CTNND1: variants seen among roughly 807,000 people sequenced by gnomAD.
CTNND1 encodes catenin delta 1.
Under a neutral mutation model 112.1 loss-of-function variants are expected in CTNND1, and 16 were observed. The ratio of observed to expected loss-of-function variants is 0.14; its 90% CI spans 0.10 to 0.22. The LOEUF is 0.22. CTNND1 is among the 10% of genes least tolerant of loss of function. The probability of loss-of-function intolerance (pLI) is 1.00; values close to 1 mark genes in which losing one functional copy is unlikely to be tolerated. For synonymous variants in CTNND1, 420 were observed against 446.5 expected (o/e 0.94, Z 0.75); for missense variants, 1,008 against 1,257.0 (o/e 0.80, Z 3.00).
chr11:57,802,703 T>TA (rs2062136132), intron 7 of CTNND1, among the ~76,000 whole-genome samples: 1 of 152,254 alleles, frequency 6.6e-6, no homozygotes, highest in South Asian at 2.1e-4. Flanking sequence ...GTTCTTGCTT[T>TA]ATTTAGAGCA....
chr11:57,784,473 T>C (rs1384996138), intron 1 of CTNND1, among the ~76,000 whole-genome samples: 1 of 151,890 alleles, frequency 6.6e-6, no homozygotes, highest in East Asian at 1.9e-4. Context: ...TCATTGTTTT[T>C]AGATGGAGAG....
In CTNND1 at chr11:57,811,381, A is replaced by ATTTG. The variant is rs747213601; in HGVS notation, c.2551-16_2551-13dup. 2 of 1,597,508 alleles carry ATTTG rather than the reference A, an allele frequency of 1.3e-6. No individual in the cohort carries two copies. The highest frequency in any genetic ancestry group is 1.7e-6 in the Non-Finnish European group (2 of 1,166,082). ...ATTCAGTATTCTGTCACATTGTCGCATTTGTGTTTGCCTCTAGGTGAATCT... is the reference window on the plus strand; with the variant it reads ...ATTCAGTATTCTGTCACATTGTCGCATTTGTTTGTGTTTGCCTCTAGGTGAATCT... On this transcript the variant is annotated splice_polypyrimidine_tract_variant and intron_variant, in intron 16 of 20. Transcript: ENST00000399050.
chr11:57,812,988 G>GA (rs1555068160), intron 17 of CTNND1, among the ~76,000 whole-genome samples: 1 of 152,156 alleles, frequency 6.6e-6, no homozygotes, highest in Non-Finnish European at 1.5e-5. Context: ...TTGTAGTTTT[G>GA]AAAAACTTTT....
intron 1 of CTNND1, among the ~76,000 whole-genome samples, chr11:57,782,237 T>C (rs1337019485): frequency 6.6e-6 from 1 of 152,202 alleles, no homozygotes; most frequent in Non-Finnish European, 1.5e-5. Context: ...TCAGAGAGAA[T>C]GTATCACTCT....
At chr11:57,782,905 G>A (rs1565303333) in intron 1 of CTNND1, among the ~76,000 whole-genome samples, 2 of 152,178 alleles carry the variant, frequency 1.3e-5, no homozygotes, top group Non-Finnish European at 2.9e-5. Context: ...TAATCTTAAC[G>A]CAAATCAGCT....
intron 17 of CTNND1, 146 bp from the exon 18 acceptor site, chr11:57,814,165 A>G: frequency 3.2e-6 from 2 of 632,518 alleles, no homozygotes; most frequent in Non-Finnish European, 5.7e-6. Flanking sequence ...AAGCTTAAAA[A>G]TTATCCAGGC....
chr11:57,797,632 C>T (rs1407670518), intron 6 of CTNND1, among the ~76,000 whole-genome samples: 1 of 147,728 alleles, frequency 6.8e-6, no homozygotes, highest in African/African-American at 2.5e-5. Flanking sequence ...CACCTGAGGT[C>T]CGGAGTTCAA....
rs2060433056 is a variant in CTNND1, at chr11:57,789,181, GA to G, written c.-95+28del. 2.2e-6 allele frequency: 3 copies of G among 1,364,286 alleles called. No homozygotes were observed. In the East Asian group the frequency reaches 7.9e-5, roughly 36 times the overall value. 84.5% of individuals were successfully genotyped at this position (1,364,286 alleles called of 1,614,324 possible). A position where few individuals can be genotyped will look rare whatever the true frequency, so the allele number is the denominator to read the frequency against. On this transcript the variant is annotated intron_variant, in intron 2 of 20. Transcript: ENST00000399050. ...GTGTGTATGGAAATATGTTTATTAA[GA>G]AGGAAAAATCTTACTTTTTAAGAAA...
At chr11:57,796,168 C>T (rs747863996) in intron 5 of CTNND1, among the ~76,000 whole-genome samples, 6 of 152,054 alleles carry the variant, frequency 3.9e-5, no homozygotes, top group South Asian at 2.1e-4. Context: ...GGGCGGATCA[C>T]GAGGTCAGGA....
In CTNND1 at chr11:57,788,901, A is replaced by C; in HGVS notation, c.-213-136A>C. On this transcript the variant is annotated intron_variant, in intron 1 of 20. Coordinates refer to ENST00000399050, the MANE Select transcript of CTNND1 (RefSeq NM_001085458.2). The surrounding 1 kb of genome is among the most constrained non-coding windows in gnomAD (Gnocchi z 4.1). ...CAACAAGGTCTAAAGGGCACTTGTC[A>C]CATTAAGCAATTCCAAGTCATATTT... The C allele has an allele frequency of 4.3e-6, 3 of 700,162 alleles. No individual in the cohort carries two copies. The highest frequency in any genetic ancestry group is 7.4e-6 in the Non-Finnish European group (3 of 403,778). The allele number at this position is 700,162 out of a possible 1,614,324, so 43.4% of individuals were successfully genotyped here.
intron 1 of CTNND1, among the ~76,000 whole-genome samples, chr11:57,765,460 A>ATTTTTT (rs5792061): frequency 1.9e-5 from 2 of 105,598 alleles, no homozygotes; most frequent in African/African-American, 7.0e-5. Context: ...TCCTCCCTTA[A>ATTTTTT]TTTTTTTTTT....
At chr11:57,797,632 CCG>C (rs2061495458) in intron 6 of CTNND1, among the ~76,000 whole-genome samples, 1 of 147,728 alleles carries the variant, frequency 6.8e-6, no homozygotes, top group Non-Finnish European at 1.5e-5. Flanking sequence ...CACCTGAGGT[CCG>C]GAGTTCAAGA....
chr11:57,796,437 T>C lies in CTNND1; in HGVS notation c.421-20T>C, dbSNP rs1417100310. 20 of 1,553,374 alleles carry C rather than the reference T, an allele frequency of 1.3e-5. No individual in the cohort carries two copies. The highest frequency in any genetic ancestry group is 1.7e-5 in the Non-Finnish European group (20 of 1,153,972). On this transcript the variant is annotated intron_variant, in intron 5 of 20. Coordinates refer to ENST00000399050, the MANE Select transcript of CTNND1 (RefSeq NM_001085458.2). ...TCACTTCCTTAATTAGTTTTTCTTT[T>C]TCTTGTTTCCTACTTGCAGGTCAAG... is the stretch of plus-strand genomic sequence containing the variant.
rs117799395 is a variant in CTNND1, at chr11:57,771,405, G to A, written c.-214+9286G>A. 6.8e-3 allele frequency among the ~76,000 whole-genome samples: 1,015 copies of A among 148,202 alleles called. 20 individuals carry two copies. Among genetic ancestry groups the A allele is most frequent in the Admixed American group, 0.056 (810 of 14,414 alleles). On this transcript the variant is annotated intron_variant, in intron 1 of 20. Transcript: ENST00000399050. ...AGTATGGAGGAAAGAACGTCTCAGG[G>A]TGGGGGTGAGGTTATTTTATATAGA... is the stretch of plus-strand genomic sequence containing the variant.
chr11:57,796,501 A>G lies in CTNND1; in HGVS notation c.465A>G (p.Pro155=). The change falls in exon 6 of 21, where the codon CCA becomes CCG. Residue 155 remains proline (P), a synonymous_variant. Transcript: ENST00000399050. ...VKTVTTRTVQ[P]VAMGPDGLPV... The stretch of plus-strand genomic sequence containing the variant: ...CTGTGACAACACGGACAGTACAGCC[A>G]GTCGCTATGGGACCAGACGGGTTGC... The G allele has an allele frequency of 6.2e-7, 1 of 1,613,826 alleles. No individual in the cohort carries two copies. Among genetic ancestry groups the G allele is most frequent in the Non-Finnish European group, 8.5e-7 (1 of 1,179,776 alleles).
At chr11:57,767,938 A>G (rs1362754385) in intron 1 of CTNND1, among the ~76,000 whole-genome samples, 1 of 151,726 alleles carries the variant, frequency 6.6e-6, no homozygotes, top group East Asian at 1.9e-4. Flanking sequence ...GGTTCAAGCA[A>G]TTCTCCTGCC....
chr11:57,776,258 T>G (rs1954206158), intron 1 of CTNND1, among the ~76,000 whole-genome samples: 1 of 151,310 alleles, frequency 6.6e-6, no homozygotes, highest in Non-Finnish European at 1.5e-5. Context: ...CGAGGGAGGG[T>G]GGTGGTGGAA....
At chr11:57,805,832 A>G (rs1167101654) in intron 9 of CTNND1, 50 bp from the exon 10 acceptor site, 2 of 1,582,572 alleles carry the variant, frequency 1.3e-6, no homozygotes, top group Non-Finnish European at 1.7e-6. Context: ...ACTTGTGGAG[A>G]AATCACAATA....
intron 1 of CTNND1, among the ~76,000 whole-genome samples, chr11:57,771,934 T>C (rs1469710380): frequency 6.6e-6 from 1 of 151,952 alleles, no homozygotes; most frequent in Non-Finnish European, 1.5e-5. Flanking sequence ...ATTTTTCTTT[T>C]TCTTTTTTTT....
Sources: allele counts gnomAD v4.1 joint callset (sites outside exome capture counted in the v4.1 genomes callset), GRCh38; gene constraint gnomAD v4.1.1; non-coding constraint Gnocchi (gnomAD v3.1); transcripts MANE v1.5; gene names NCBI Gene and HGNC (gene_info 2026-07-23, HGNC 2026-07-21).